The following PKHD1 variants were observed in gnomAD, a reference collection of about 807,000 sequenced individuals.
PKHD1 encodes PKHD1 ciliary IPT domain containing fibrocystin/polyductin.
PKHD1 carries 291 observed loss-of-function variants against 412.0 expected under a neutral mutation model. The ratio of observed to expected loss-of-function variants is 0.71; its 90% confidence interval spans 0.64 to 0.78. The LOEUF is 0.78. Among genes scored for constraint, PKHD1 ranks in the 30% least tolerant of loss-of-function variants. The pLI is 0.00. For synonymous variants in PKHD1, 1,777 were observed against 1,821.5 expected (o/e 0.98, Z 0.62); for missense variants, 4,825 against 4,950.7 (o/e 0.97, Z 0.76).
chr6:51,994,013 A>G (rs1405371941), intron 35 of PKHD1, among the ~76,000 whole-genome samples: 1 of 152,240 alleles, frequency 6.6e-6, no homozygotes, highest in Non-Finnish European at 1.5e-5. Flanking sequence ...GACTGGTTTC[A>G]ACAGAGTAAA....
At chr6:51,778,615 T>G (rs1234100943) in intron 53 of PKHD1, among the ~76,000 whole-genome samples, 2 of 152,052 alleles carry the variant, frequency 1.3e-5, no homozygotes, top group Non-Finnish European at 2.9e-5. Context: ...TAAAATCACC[T>G]GGAGAGATGG....
chr6:51,915,401 C>G (rs770550416), intron 37 of PKHD1, among the ~76,000 whole-genome samples: 20 of 152,112 alleles, frequency 1.3e-4, no homozygotes, highest in Non-Finnish European at 2.5e-4. Context: ...TATTTCTGTA[C>G]TTAGAATTTG....
At chr6:51,624,890 G>A (rs561020861) in intron 66 of PKHD1, among the ~76,000 whole-genome samples, 11 of 152,272 alleles carry the variant, frequency 7.2e-5, no homozygotes, top group African/African-American at 2.4e-4. Flanking sequence ...TGGGTTCTAT[G>A]CTCTTAACTG....
At chr6:51,667,974 T>A (rs897066725) in intron 60 of PKHD1, among the ~76,000 whole-genome samples, 1 of 152,180 alleles carries the variant, frequency 6.6e-6, no homozygotes, top group African/African-American at 2.4e-5. Context: ...TGAAGTCAGG[T>A]CGCGTGATGC....
chr6:51,793,591 C>T (rs942352634), intron 52 of PKHD1, among the ~76,000 whole-genome samples: 1 of 152,180 alleles, frequency 6.6e-6, no homozygotes, highest in African/African-American at 2.4e-5. Flanking sequence ...ACTTAGCTCC[C>T]ACTTACAAGC....
intron 60 of PKHD1, among the ~76,000 whole-genome samples, chr6:51,730,336 G>C (rs1470354170): frequency 6.6e-6 from 1 of 151,766 alleles, no homozygotes; most frequent in East Asian, 1.9e-4. Context: ...AATTCCATGG[G>C]GTTTTCCATC....
rs573219087 is a variant in PKHD1, at chr6:51,617,700, C to G, written c.*1381G>C. 16 of 152,200 alleles carry G rather than the reference C, an allele frequency of 1.1e-4. No individual in the cohort carries two copies. The highest frequency in any genetic ancestry group is 2.2e-4 in the Non-Finnish European group (15 of 68,066). The allele number at this position is 152,200 out of a possible 1,614,324, so 9.4% of individuals were successfully genotyped here. On this transcript the variant is annotated 3_prime_UTR_variant, in exon 67 of 67. Transcript: ENST00000371117. ...AGAGGTTAAAACATTTCTGCCAATT[C>G]TTAGTAGGGTGAGACACACCTGCCC...
At chr6:51,635,862 G>C (rs1354857236) in intron 64 of PKHD1, among the ~76,000 whole-genome samples, 18 of 116,190 alleles carry the variant, frequency 1.5e-4, no homozygotes, top group South Asian at 7.0e-4. Context: ...TGAAGGTGGG[G>C]GGGGGCGGGG....
intron 37 of PKHD1, among the ~76,000 whole-genome samples, chr6:51,919,596 T>C (rs952774694): frequency 1.3e-5 from 2 of 152,240 alleles, no homozygotes; most frequent in Non-Finnish European, 2.9e-5. Flanking sequence ...GGCTTAGGAT[T>C]GTCTTGGAAA....
At chr6:51,750,249 A>T (rs1261733990) in intron 57 of PKHD1, among the ~76,000 whole-genome samples, 5 of 152,182 alleles carry the variant, frequency 3.3e-5, no homozygotes, top group Admixed American at 3.3e-4. Flanking sequence ...TGGTGTGGAC[A>T]TATTCACAGA....
chr6:52,064,072 A>T (rs1809115687), intron 13 of PKHD1, among the ~76,000 whole-genome samples: 1 of 152,210 alleles, frequency 6.6e-6, no homozygotes, highest in Admixed American at 6.5e-5. Context: ...GGAGCTGGAG[A>T]ATTCTCAAGC....
intron 37 of PKHD1, among the ~76,000 whole-genome samples, chr6:51,930,267 C>A (rs1055429463): frequency 1.3e-5 from 2 of 152,092 alleles, no homozygotes; most frequent in African/African-American, 4.8e-5. Flanking sequence ...GTCATATTAA[C>A]GCATCAAAGT....
rs139744271 is a variant in PKHD1, at chr6:52,012,108, G to A, written c.5601-1649C>T. On this transcript the variant is annotated intron_variant, in intron 34 of 66. Coordinates refer to ENST00000371117, the MANE Select transcript of PKHD1 (RefSeq NM_138694.4). ...AGCAGATCAGCTGGATCTGAATCCC[G>A]GGGCAGATGGTTACCATCTACATGA... Among the ~76,000 whole-genome samples the A allele has an allele frequency of 3.9e-3, 592 of 152,276 alleles. 4 individuals carry two copies. The highest frequency in any genetic ancestry group is 0.013 in the African/African-American group (527 of 41,564).
At chr6:51,642,704 G>C (rs1423438735) in intron 63 of PKHD1, among the ~76,000 whole-genome samples, 1 of 152,120 alleles carries the variant, frequency 6.6e-6, no homozygotes, top group East Asian at 1.9e-4. Context: ...GCCAGGTGTG[G>C]TGGTGGGCAC....
intron 35 of PKHD1, among the ~76,000 whole-genome samples, chr6:51,977,532 G>A (rs1794618796): frequency 6.6e-6 from 1 of 152,118 alleles, no homozygotes; most frequent in African/African-American, 2.4e-5. Flanking sequence ...AGAAGCTTTT[G>A]ATATTGTCCC....
chr6:52,055,380 C>A (rs1807552230), intron 19 of PKHD1, among the ~76,000 whole-genome samples: 1 of 152,230 alleles, frequency 6.6e-6, no homozygotes, highest in South Asian at 2.1e-4. Flanking sequence ...AATACAAAGG[C>A]ATTTCCAGGT....
intron 60 of PKHD1, among the ~76,000 whole-genome samples, chr6:51,698,733 A>T (rs191877142): frequency 2.0e-5 from 3 of 152,332 alleles, no homozygotes; most frequent in African/African-American, 7.2e-5. Flanking sequence ...TTTCTAACAT[A>T]ACACATTTCT....
intron 60 of PKHD1, among the ~76,000 whole-genome samples, chr6:51,707,551 ATCCTT>A (rs1282920639): frequency 6.6e-6 from 1 of 152,174 alleles, no homozygotes; most frequent in Non-Finnish European, 1.5e-5. Context: ...ATCTTAACAG[ATCCTT>A]TCCCCAACTC....
At chr6:52,061,554 C>G (rs764448732) in intron 14 of PKHD1, among the ~76,000 whole-genome samples, 5 of 152,108 alleles carry the variant, frequency 3.3e-5, no homozygotes, top group Non-Finnish European at 7.4e-5. Context: ...CACAGATTAC[C>G]AACCCTACTT....
Sources: gnomAD v4.1 joint callset for allele counts (sites outside exome capture counted in the v4.1 genomes callset) on GRCh38, gnomAD v4.1.1 for gene constraint, MANE v1.5 for transcripts, NCBI Gene and HGNC (gene_info 2026-07-23, HGNC 2026-07-21) for gene names.